MGAT4C: variants seen among roughly 807,000 people sequenced by gnomAD.
The protein encoded by MGAT4C is MGAT4 family member C.
In MGAT4C, 19 loss-of-function variants were observed where a neutral mutation model predicts 40.1. That is an observed-to-expected ratio of 0.47 (90% CI 0.33 to 0.70). MGAT4C has a LOEUF of 0.70. MGAT4C is among the 30% of genes least tolerant of loss of function. The pLI, the probability that MGAT4C is intolerant of heterozygous loss-of-function variation, is 0.02. For synonymous variants in MGAT4C, 181 were observed against 187.1 expected, an observed-to-expected ratio of 0.97 and a Z score of 0.27; for missense variants, 491 against 563.2, an observed-to-expected ratio of 0.87 and a Z score of 1.30.
At chr12:86,738,890 T>C (rs1457329126) in intron 1 of MGAT4C, among the ~76,000 whole-genome samples, 1 of 150,986 alleles carries the variant, frequency 6.6e-6, no homozygotes, top group East Asian at 1.9e-4. Context: ...TATTTTTTTA[T>C]GGTGTCCATG....
At chr12:86,606,311 A>G (rs1962045390) in intron 2 of MGAT4C, among the ~76,000 whole-genome samples, 1 of 152,136 alleles carries the variant, frequency 6.6e-6, no homozygotes, top group South Asian at 2.1e-4. Flanking sequence ...TATGTAACCT[A>G]TTTCATATAT....
intron 2 of MGAT4C, among the ~76,000 whole-genome samples, chr12:86,490,935 G>C (rs1342656421): frequency 1.3e-5 from 2 of 152,138 alleles, no homozygotes; most frequent in African/African-American, 4.8e-5. Flanking sequence ...GACCTACAAA[G>C]AGACTTAGAC....
At chr12:86,183,247 A>G (rs980971574) in intron 1 of MGAT4C, among the ~76,000 whole-genome samples, 1 of 152,116 alleles carries the variant, frequency 6.6e-6, no homozygotes, top group Non-Finnish European at 1.5e-5. Context: ...AAGGATCTGT[A>G]TCTTTCAATG....
At chr12:86,501,079 C>A (rs1367961823) in intron 2 of MGAT4C, among the ~76,000 whole-genome samples, 2 of 152,012 alleles carry the variant, frequency 1.3e-5, no homozygotes, top group Non-Finnish European at 2.9e-5. Context: ...CAAGCTTCCA[C>A]ACAGAAAGAA....
intron 3 of MGAT4C, among the ~76,000 whole-genome samples, chr12:86,407,613 C>CT (rs766185778): frequency 2.0e-5 from 3 of 151,738 alleles, no homozygotes; most frequent in South Asian, 2.1e-4. Flanking sequence ...TAGAATATTA[C>CT]TTTTTTTTAA....
intron 4 of MGAT4C, among the ~76,000 whole-genome samples, chr12:86,317,803 G>C (rs565206060): frequency 4.0e-5 from 6 of 151,650 alleles, no homozygotes; most frequent in African/African-American, 1.5e-4. Context: ...GTATATAAGA[G>C]ACATTACATT....
intron 2 of MGAT4C, among the ~76,000 whole-genome samples, chr12:86,502,174 C>A (rs1234961957): frequency 2.6e-5 from 4 of 151,948 alleles, no homozygotes; most frequent in African/African-American, 7.2e-5. Flanking sequence ...AAAAATTAAA[C>A]CCTATAAGTC....
intron 1 of MGAT4C, among the ~76,000 whole-genome samples, chr12:86,063,871 C>A (rs530876980): frequency 2.0e-5 from 3 of 152,346 alleles, no homozygotes; most frequent in Admixed American, 6.5e-5. Flanking sequence ...TATATATGCA[C>A]CCGTGCAGGA....
chr12:85,986,970 T>G (rs1472417065), intron 3 of MGAT4C, among the ~76,000 whole-genome samples: 1 of 152,002 alleles, frequency 6.6e-6, no homozygotes, highest in South Asian at 2.1e-4. Context: ...AAAATGCGAT[T>G]TGGTTAAAAA....
chr12:86,455,499 TA>T (rs1957494059), intron 2 of MGAT4C, among the ~76,000 whole-genome samples: 1 of 152,054 alleles, frequency 6.6e-6, no homozygotes, highest in South Asian at 2.1e-4. Context: ...ATACAGAAAT[TA>T]AAAATAATTT....
At chr12:86,705,629 T>C (rs1565938230) in intron 2 of MGAT4C, among the ~76,000 whole-genome samples, 9 of 152,094 alleles carry the variant, frequency 5.9e-5, no homozygotes, top group Admixed American at 5.9e-4. Context: ...CAGTGTAAAG[T>C]ATAATCTAGA....
chr12:86,807,482 T>A lies in MGAT4C; in HGVS notation c.-262+31184A>T, dbSNP rs1424241007. ...TTCCTTTTTTGTGGCTGCATAGTAT[T>A]CCATAGTGTATATGTACCACATTTT... On this transcript the variant is annotated intron_variant, in intron 1 of 7. Transcript: ENST00000548651. Among the ~76,000 whole-genome samples, 2 of 152,124 alleles carry A rather than the reference T, an allele frequency of 1.3e-5. 1 individual carries two copies. Among genetic ancestry groups the A allele is most frequent in the Non-Finnish European group, 2.9e-5 (2 of 68,016 alleles).
At chr12:86,549,939 C>A (rs1959265151) in intron 2 of MGAT4C, among the ~76,000 whole-genome samples, 2 of 151,998 alleles carry the variant, frequency 1.3e-5, no homozygotes. Flanking sequence ...GTGTCCCCAC[C>A]CAAATCTCAT....
intron 1 of MGAT4C, among the ~76,000 whole-genome samples, chr12:86,808,226 T>C (rs1200594091): frequency 6.6e-6 from 1 of 152,078 alleles, no homozygotes; most frequent in African/African-American, 2.4e-5. Flanking sequence ...TCCGTCCTTC[T>C]GAAACTATTC....
intron 1 of MGAT4C, among the ~76,000 whole-genome samples, chr12:86,207,052 A>C (rs1950284607): frequency 6.6e-6 from 1 of 152,084 alleles, no homozygotes; most frequent in South Asian, 2.1e-4. Flanking sequence ...TTACAGTTAT[A>C]GAAAAAAAGA....
intron 3 of MGAT4C, among the ~76,000 whole-genome samples, chr12:86,409,648 T>C (rs1057283026): frequency 6.6e-6 from 1 of 152,172 alleles, no homozygotes; most frequent in Non-Finnish European, 1.5e-5. Flanking sequence ...AGGATAATTA[T>C]TTCTGGTATG....
chr12:86,345,907 C>T (rs1489004548), intron 3 of MGAT4C, among the ~76,000 whole-genome samples: 2 of 152,188 alleles, frequency 1.3e-5, no homozygotes, highest in African/African-American at 4.8e-5. Context: ...ACATCCTCTC[C>T]AGCACCTGTT....
At chr12:86,659,800 A>C (rs2136546461) in intron 2 of MGAT4C, among the ~76,000 whole-genome samples, 1 of 152,128 alleles carries the variant, frequency 6.6e-6, no homozygotes, top group Admixed American at 6.6e-5. Flanking sequence ...ACTTGCTGAA[A>C]ATATGTCCTT....
At chr12:86,099,123 A>G (rs1410888802) in intron 1 of MGAT4C, among the ~76,000 whole-genome samples, 2 of 151,394 alleles carry the variant, frequency 1.3e-5, no homozygotes, top group African/African-American at 2.4e-5. Flanking sequence ...ATCTGTCTCA[A>G]TAACTCCTTT....
Sources: gnomAD v4.1 joint callset for allele counts (sites outside exome capture counted in the v4.1 genomes callset) on GRCh38, gnomAD v4.1.1 for gene constraint, MANE v1.5 for transcripts, NCBI Gene and HGNC (gene_info 2026-07-23, HGNC 2026-07-21) for gene names.